Variants in CCND3 observed in about 807,000 individuals in gnomAD.
CCND3 encodes the protein G1/S-specific cyclin-D3.
In CCND3, 9 loss-of-function variants were observed where a neutral mutation model predicts 28.7. The observed-to-expected ratio is 0.31, with a 90% CI of 0.19 to 0.55. The LOEUF (loss-of-function observed/expected upper bound fraction) is 0.55, where lower values mean the gene tolerates loss of function less well. Ranked by LOEUF, CCND3 falls within the 20% of genes least tolerant of loss-of-function variation. The pLI is 0.93. For missense variants in CCND3, 315 were observed against 385.8 expected (o/e 0.82, Z 1.54); for synonymous variants, 164 against 163.9 (o/e 1.00, Z 0.00).
At chr6:42,018,513 A>G (rs1363931659) in intron 1 of CCND3, 3 of 152,096 alleles carry the variant, frequency 2.0e-5, no homozygotes, top group Non-Finnish European at 4.4e-5. Context: ...GAAAGTGAGC[A>G]CCTGAGAGGC....
At chr6:41,979,928 G>A (rs7742078) in intron 1 of CCND3, among the ~76,000 whole-genome samples, 5,934 of 150,520 alleles carry the variant, frequency 0.039, 394 homozygotes, top group African/African-American at 0.13. Context: ...GAGCCACTGT[G>A]CCCAGCCAAG....
intron 1 of CCND3, among the ~76,000 whole-genome samples, chr6:42,025,497 C>A (rs1215757410): frequency 6.6e-6 from 1 of 152,158 alleles, no homozygotes; most frequent in Non-Finnish European, 1.5e-5. Flanking sequence ...GTGAAGACAT[C>A]TCCCCTCAGC....
rs201578822 is a variant in CCND3 at position 41,948,800 on chromosome 6, C to T, written c.-45-8215G>A. Among the ~76,000 whole-genome samples, 5 of 149,956 alleles carry T rather than the reference C, an allele frequency of 3.3e-5. No homozygotes were observed. In the East Asian group the frequency reaches 9.8e-4, roughly 29 times the overall value. On this transcript the variant is annotated intron_variant, in intron 1 of 4. Coordinates refer to the CCND3 transcript ENST00000372988. ...AGCGGAGGTTGCAGTGAGCTGAGATCGTGCCACTGCACTCCAGCCTGGACT... is the reference window on the plus strand; with the variant it reads ...AGCGGAGGTTGCAGTGAGCTGAGATTGTGCCACTGCACTCCAGCCTGGACT...
intron 1 of CCND3, among the ~76,000 whole-genome samples, chr6:42,015,680 G>C (rs796312427): frequency 6.6e-6 from 1 of 151,136 alleles, no homozygotes; most frequent in African/African-American, 2.4e-5. Flanking sequence ...ACTGCACTCC[G>C]GCCTGGGCAA....
At position 41,938,702 on chromosome 6, in the gene CCND3, T is replaced by C. The variant is rs1419714746; in HGVS notation, c.415-1308A>G. On this transcript the variant is annotated intron_variant, in intron 2 of 4. Transcript: ENST00000372991. The surrounding 1 kb of genome is among the most constrained non-coding windows in gnomAD (Gnocchi z 4.6). ...TGGAGAACACACCCCTGGGAGTGCT[T>C]AGCTTCAGTAGGTGGCAGCGGCCAT... Among the ~76,000 whole-genome samples the C allele has an allele frequency of 6.6e-6, 1 of 152,284 alleles. No homozygotes were observed. Among genetic ancestry groups the C allele is most frequent in the East Asian group, 1.9e-4 (1 of 5,178 alleles).
intron 1 of CCND3, among the ~76,000 whole-genome samples, chr6:41,988,855 C>T (rs886337016): frequency 6.6e-6 from 1 of 151,248 alleles, no homozygotes; most frequent in South Asian, 2.1e-4. Context: ...CCTGCCACCG[C>T]GCCCAGCTAA....
chr6:41,939,689 C>T lies in CCND3; in HGVS notation c.414+681G>A, dbSNP rs931076686. Among the ~76,000 whole-genome samples the T allele has an allele frequency of 1.3e-5, 2 of 152,168 alleles. No individual in the cohort carries two copies. The highest frequency in any genetic ancestry group is 2.9e-5 in the Non-Finnish European group (2 of 68,026). ...GATGCAGCTCACCTCCCTGTCTGTC[C>T]CTCAGCTTGGGCCTTGGGCTAAGGG... On this transcript the variant is annotated intron_variant, in intron 2 of 4. Coordinates refer to ENST00000372991, the MANE Select transcript of CCND3 (RefSeq NM_001760.5). The surrounding 1 kb of genome is among the most constrained non-coding windows in gnomAD (Gnocchi z 4.2).
intron 1 of CCND3, among the ~76,000 whole-genome samples, chr6:41,996,061 T>C (rs1407620442): frequency 2.7e-5 from 4 of 149,240 alleles, no homozygotes; most frequent in African/African-American, 9.7e-5. Context: ...TTTCTTTCTG[T>C]ATTCTATTAT....
chr6:42,027,135 T>C (rs1199630169), intron 1 of CCND3, among the ~76,000 whole-genome samples: 2 of 152,106 alleles, frequency 1.3e-5, no homozygotes, highest in East Asian at 3.9e-4. Flanking sequence ...CTGAGTGCCT[T>C]CCAGGTGGTT....
intron 1 of CCND3, among the ~76,000 whole-genome samples, chr6:41,992,463 GTT>G (rs373285628): frequency 1.7e-5 from 2 of 120,442 alleles, no homozygotes; most frequent in Admixed American, 9.3e-5. Context: ...CACCCAGCCG[GTT>G]TTTTTTTTTT....
rs375843578 is a variant in CCND3 at position 41,936,021 on chromosome 6, C to T, written c.798G>A (p.Ala266=). ...TGCTGGAGCCCCGGGGGGCTTTGGG[C>T]GCTGGGCTGGAGCTGGTCTGAGAGG... The part of the protein sequence containing the change: ...REASQTSSSP[A]PKAPRGSSSQ... Residue 266 remains alanine (A), a synonymous_variant, in exon 5 of 5, where the codon GCG becomes GCA. Coordinates refer to ENST00000372991, the MANE Select transcript of CCND3 (RefSeq NM_001760.5). The surrounding 1 kb of genome is among the most constrained non-coding windows in gnomAD (Gnocchi z 4.4). The T allele has an allele frequency of 1.7e-5, 27 of 1,613,104 alleles. No individual in the cohort carries two copies. Among genetic ancestry groups the T allele is most frequent in the Middle Eastern group, 1.7e-4 (1 of 6,048 alleles).
intron 1 of CCND3, among the ~76,000 whole-genome samples, chr6:41,957,270 G>C (rs553961718): frequency 6.6e-6 from 1 of 152,102 alleles, no homozygotes; most frequent in South Asian, 2.1e-4. Context: ...CACTCCTTTC[G>C]TCTTCAGTCC....
rs564447189 is a variant in CCND3, at chr6:42,020,698, A to G, written c.-46+27803T>C. 2.6e-5 allele frequency among the ~76,000 whole-genome samples: 4 copies of G among 152,312 alleles called. No homozygotes were observed. In the South Asian group the frequency reaches 8.3e-4, roughly 32 times the overall value. ...TTCTCTCAGAATTCCCACAGCACAG[A>G]GAGCCTGCACTCCAAGACTTCATGA... On this transcript the variant is annotated intron_variant, in intron 1 of 4. Transcript: ENST00000372988.
At chr6:41,987,169 A>G (rs1471247650) in intron 1 of CCND3, among the ~76,000 whole-genome samples, 1 of 151,888 alleles carries the variant, frequency 6.6e-6, no homozygotes, top group Non-Finnish European at 1.5e-5. Context: ...GCAAAAACAT[A>G]TTGTCAATTA....
intron 1 of CCND3, among the ~76,000 whole-genome samples, chr6:42,043,128 C>T (rs920947147): frequency 6.6e-6 from 1 of 152,190 alleles, no homozygotes; most frequent in Non-Finnish European, 1.5e-5. Context: ...GCACAGTGGC[C>T]CACGCCTGTA....
intron 1 of CCND3, among the ~76,000 whole-genome samples, chr6:41,950,735 GTC>G (rs1438350480): frequency 6.8e-6 from 1 of 148,086 alleles, no homozygotes; most frequent in Admixed American, 6.8e-5. Context: ...TTGAGATGGA[GTC>G]TCTCTCTGTC....
intron 1 of CCND3, among the ~76,000 whole-genome samples, chr6:41,962,243 G>A (rs2127404631): frequency 6.6e-6 from 1 of 152,264 alleles, no homozygotes; most frequent in South Asian, 2.1e-4. Flanking sequence ...TGGGATTACA[G>A]GTGCGTGCCA....
At chr6:42,000,764 T>C (rs1339718600) in intron 1 of CCND3, among the ~76,000 whole-genome samples, 1 of 141,536 alleles carries the variant, frequency 7.1e-6, no homozygotes, top group Non-Finnish European at 1.5e-5. Context: ...ACGGGGTTTC[T>C]CCATGTTGGT....
chr6:41,937,238 T>C lies in CCND3; in HGVS notation c.571A>G (p.Thr191Ala). The C allele has an allele frequency of 1.2e-6, 2 of 1,614,170 alleles. No homozygotes were observed. Among genetic ancestry groups the C allele is most frequent in the South Asian group, 2.2e-5 (2 of 91,082 alleles). Residue 191 changes from threonine to alanine, a missense_variant, in exon 3 of 5, where the codon ACA becomes GCA. Coordinates refer to ENST00000372991, the MANE Select transcript of CCND3 (RefSeq NM_001760.5). Reference protein sequence around the residue: ...HAQTFLALCATDYTFAMYPPS... With the variant: ...HAQTFLALCAADYTFAMYPPS... ...AAAATGTGCATAGGGCTCTTACCTG[T>C]AGCACAGAGGGCCAAAAAGGTCTGG...
Sources: allele counts gnomAD v4.1 joint callset (sites outside exome capture counted in the v4.1 genomes callset), GRCh38; gene constraint gnomAD v4.1.1; non-coding constraint Gnocchi (gnomAD v3.1); transcripts MANE v1.5; gene names NCBI Gene and HGNC (gene_info 2026-07-23, HGNC 2026-07-21).